Variants in BABAM2 observed in about 807,000 individuals in gnomAD.
The protein encoded by BABAM2 is BRISC and BRCA1 A complex member 2, also known as BRISC and BRCA1-A complex member 2.
In BABAM2, 31 loss-of-function variants were observed where a neutral mutation model predicts 54.7. The ratio of observed to expected loss-of-function variants is 0.57; its 90% CI spans 0.43 to 0.77. The LOEUF (loss-of-function observed/expected upper bound fraction) is 0.77. Among genes scored for constraint, BABAM2 ranks in the 30% least tolerant of loss-of-function variants. BABAM2 has a pLI of 0.00. For missense variants in BABAM2, 364 were observed against 455.8 expected, an observed-to-expected ratio of 0.80 and a Z score of 1.83; for synonymous variants, 167 against 162.9, an observed-to-expected ratio of 1.03 and a Z score of -0.19.
chr2:28,266,251 T>C (rs1183526343), intron 10 of BABAM2, among the ~76,000 whole-genome samples: 1 of 152,156 alleles, frequency 6.6e-6, no homozygotes, highest in Non-Finnish European at 1.5e-5. Context: ...CCTCCCAAAG[T>C]GTTGGGATTA....
chr2:27,934,490 T>C lies in BABAM2; in HGVS notation c.205+4582T>C, dbSNP rs1358561672. On this transcript the variant is annotated intron_variant, in intron 3 of 11. Coordinates refer to ENST00000379624, the MANE Select transcript of BABAM2 (RefSeq NM_199191.3). ...ACAGCAGTATTGAAATTAGGCCAGT[T>C]AGTAACCTTGCAGTGTCCTCTAAGT... 3.3e-5 allele frequency among the ~76,000 whole-genome samples: 5 copies of C among 152,352 alleles called. No individual in the cohort carries two copies. In the South Asian group the frequency reaches 1.0e-3, roughly 32 times the overall value.
rs1040282532 is a variant in BABAM2 at position 28,044,899 on chromosome 2, A to T, written c.496-826A>T. 3.3e-5 allele frequency among the ~76,000 whole-genome samples: 5 copies of T among 152,074 alleles called. No individual in the cohort carries two copies. The East Asian group carries it at 9.6e-4, about 29-fold the overall frequency. ...GGAAGACCGAGGATTCCACCAGGTCAGGACGCATCTTTGTTACCTTTGCAG... is the reference window on the plus strand; with the variant it reads ...GGAAGACCGAGGATTCCACCAGGTCTGGACGCATCTTTGTTACCTTTGCAG... On this transcript the variant is annotated intron_variant, in intron 5 of 11. Coordinates refer to ENST00000379624, the MANE Select transcript of BABAM2 (RefSeq NM_199191.3).
chr2:28,033,912 C>A (rs911206509), intron 5 of BABAM2, among the ~76,000 whole-genome samples: 1 of 151,648 alleles, frequency 6.6e-6, no homozygotes, highest in Non-Finnish European at 1.5e-5. Context: ...TTTTAAGCAA[C>A]ATATTTTTTC....
intron 3 of BABAM2, among the ~76,000 whole-genome samples, chr2:27,951,033 C>T (rs1471277475): frequency 8.6e-5 from 13 of 152,046 alleles, no homozygotes; most frequent in Admixed American, 3.3e-4. Context: ...CTTTCTCCCC[C>T]GCAACTGTTT....
At chr2:28,338,309 A>G (rs1411198879) in intron 11 of BABAM2, 141 bp from the exon 12 acceptor site, 2 of 767,612 alleles carry the variant, frequency 2.6e-6, no homozygotes, top group Non-Finnish European at 4.5e-6. Flanking sequence ...GCTTTGCCTC[A>G]GCAGAGAAGG....
intron 4 of BABAM2, chr2:28,016,320 A>G: frequency 9.3e-7 from 1 of 1,080,522 alleles, no homozygotes; most frequent in Non-Finnish European, 1.4e-6. Context: ...AAACTCTTGG[A>G]GCCTTTCTTT....
chr2:28,308,537 C>G, intron 11 of BABAM2: 1 of 503,414 alleles, frequency 2.0e-6, no homozygotes, highest in African/African-American at 1.9e-5. Context: ...AAGCCAACAC[C>G]CTGATCAGGC....
chr2:28,098,027 A>G (rs911512184), intron 6 of BABAM2, among the ~76,000 whole-genome samples: 2 of 152,234 alleles, frequency 1.3e-5, no homozygotes, highest in Admixed American at 6.5e-5. Flanking sequence ...AACCACTATC[A>G]TAACTTTGGT....
At chr2:28,199,765 G>A (rs1678054916) in intron 7 of BABAM2, among the ~76,000 whole-genome samples, 1 of 152,078 alleles carries the variant, frequency 6.6e-6, no homozygotes, top group Admixed American at 6.6e-5. Flanking sequence ...GTGGAAGTTT[G>A]AAGGACCTGC....
chr2:27,955,465 C>A (rs777475567), intron 3 of BABAM2, among the ~76,000 whole-genome samples: 15 of 152,150 alleles, frequency 9.9e-5, no homozygotes, highest in Non-Finnish European at 2.2e-4. Context: ...TACTAGGTAG[C>A]AATTTGAAAT....
intron 5 of BABAM2, among the ~76,000 whole-genome samples, chr2:28,037,339 C>T (rs774843325): frequency 1.5e-3 from 221 of 152,152 alleles, no homozygotes; most frequent in Non-Finnish European, 2.6e-3. Flanking sequence ...TTGGATCTTC[C>T]TTTTAACTCA....
At chr2:28,063,542 G>A (rs1003806461) in intron 6 of BABAM2, among the ~76,000 whole-genome samples, 1 of 152,116 alleles carries the variant, frequency 6.6e-6, no homozygotes, top group Admixed American at 6.6e-5. Context: ...TAGGTACTCA[G>A]TAACCACATT....
intron 10 of BABAM2, among the ~76,000 whole-genome samples, chr2:28,297,054 A>G (rs1447294704): frequency 6.6e-6 from 1 of 152,176 alleles, no homozygotes; most frequent in Non-Finnish European, 1.5e-5. Context: ...CCTTATACAT[A>G]CTTCATAATG....
intron 2 of BABAM2, among the ~76,000 whole-genome samples, chr2:27,898,163 T>C (rs1324431689): frequency 6.6e-6 from 1 of 152,220 alleles, no homozygotes; most frequent in Admixed American, 6.5e-5. Context: ...AATAACATCT[T>C]TATGTCTGCA....
chr2:28,008,550 T>C lies in BABAM2; in HGVS notation c.301-16676T>C, dbSNP rs566213649. 2.0e-5 allele frequency among the ~76,000 whole-genome samples: 3 copies of C among 152,336 alleles called. No individual in the cohort carries two copies. The East Asian group carries it at 5.8e-4, about 29-fold the overall frequency. On this transcript the variant is annotated intron_variant, in intron 4 of 11. Coordinates refer to ENST00000379624, the MANE Select transcript of BABAM2 (RefSeq NM_199191.3). ...ATTTGTGTGGGTCAAAGAAAGCATG[T>C]CTGCAGGCTGAGGCGGTCAATTTGC...
chr2:28,044,692 G>A (rs967372357), intron 5 of BABAM2, among the ~76,000 whole-genome samples: 4 of 152,186 alleles, frequency 2.6e-5, no homozygotes, highest in Non-Finnish European at 5.9e-5. Context: ...TGTGTTTAGG[G>A]GAGTTTGTGC....
intron 7 of BABAM2, among the ~76,000 whole-genome samples, chr2:28,148,819 C>G (rs184749549): frequency 2.0e-5 from 3 of 152,328 alleles, no homozygotes; most frequent in African/African-American, 7.2e-5. Flanking sequence ...CATCCCAGAG[C>G]CAGGAGAGCT....
chr2:28,063,681 T>C (rs1679086394), intron 6 of BABAM2, among the ~76,000 whole-genome samples: 1 of 152,218 alleles, frequency 6.6e-6, no homozygotes, highest in Admixed American at 6.5e-5. Flanking sequence ...TTTTTGGTTT[T>C]GGTCCTTGAG....
At chr2:28,202,026 A>T (rs1004919256) in intron 7 of BABAM2, among the ~76,000 whole-genome samples, 1 of 152,174 alleles carries the variant, frequency 6.6e-6, no homozygotes, top group Non-Finnish European at 1.5e-5. Flanking sequence ...GGTCAGGAGC[A>T]TCCTTTGCCA....
Sources: gnomAD v4.1 joint callset for allele counts (sites outside exome capture counted in the v4.1 genomes callset) on GRCh38, gnomAD v4.1.1 for gene constraint, MANE v1.5 for transcripts, NCBI Gene and HGNC (gene_info 2026-07-23, HGNC 2026-07-21) for gene names.